FBXW7: variants seen among roughly 807,000 people sequenced by gnomAD.
FBXW7 encodes F-box and WD repeat domain containing 7.
In FBXW7, 11 loss-of-function variants were observed where a neutral mutation model predicts 86.3. The observed-to-expected ratio is 0.13, with a 90% confidence interval of 0.08 to 0.21. FBXW7 has a LOEUF of 0.21. FBXW7 is among the 10% of genes least tolerant of loss of function. The pLI is 1.00. For synonymous variants in FBXW7, 313 were observed against 297.9 expected, an observed-to-expected ratio of 1.05 and a Z score of -0.52; for missense variants, 488 against 847.4, an observed-to-expected ratio of 0.58 and a Z score of 5.27.
chr4:152,481,621 T>C (rs916741420), intron 2 of FBXW7, among the ~76,000 whole-genome samples: 16 of 152,192 alleles, frequency 1.1e-4, no homozygotes. Flanking sequence ...TTCAAAAACA[T>C]TCATTATTCA....
At chr4:152,455,896 CTCA>C (rs1171775245) in intron 2 of FBXW7, among the ~76,000 whole-genome samples, 2 of 152,074 alleles carry the variant, frequency 1.3e-5, no homozygotes, top group East Asian at 3.9e-4. Context: ...GGCTAATCTC[CTCA>C]TTTCAAAATC....
At chr4:152,468,131 A>C (rs1743622416) in intron 2 of FBXW7, among the ~76,000 whole-genome samples, 1 of 152,200 alleles carries the variant, frequency 6.6e-6, no homozygotes, top group Admixed American at 6.5e-5. Context: ...GCTGAAATAC[A>C]AAAGACTGAC....
intron 6 of FBXW7, among the ~76,000 whole-genome samples, chr4:152,341,066 G>C (rs551960870): frequency 1.3e-5 from 2 of 152,192 alleles, no homozygotes; most frequent in African/African-American, 4.8e-5. Flanking sequence ...GCGTCACCTA[G>C]ATTATTCCTG....
intron 4 of FBXW7, among the ~76,000 whole-genome samples, chr4:152,369,977 ATATAGT>A (rs1733865377): frequency 6.6e-6 from 1 of 151,996 alleles, no homozygotes; most frequent in African/African-American, 2.4e-5. Context: ...AAAAAGCAAG[ATATAGT>A]TATGTTATCT....
chr4:152,342,778 T>C (rs1478938249), intron 6 of FBXW7, among the ~76,000 whole-genome samples: 1 of 152,218 alleles, frequency 6.6e-6, no homozygotes, highest in Non-Finnish European at 1.5e-5. Context: ...ATAATTCAGG[T>C]TTTACTTTCT....
At chr4:152,449,395 T>C (rs1162332847) in intron 2 of FBXW7, among the ~76,000 whole-genome samples, 1 of 152,150 alleles carries the variant, frequency 6.6e-6, no homozygotes, top group Non-Finnish European at 1.5e-5. Flanking sequence ...GAATAAAATA[T>C]ACAAGCAAAA....
chr4:152,351,388 T>C (rs567959801), intron 4 of FBXW7, among the ~76,000 whole-genome samples: 1 of 152,258 alleles, frequency 6.6e-6, no homozygotes, highest in South Asian at 2.1e-4. Flanking sequence ...TATACCTTAG[T>C]TCATGCCATA....
chr4:152,481,329 T>C (rs547809374), intron 2 of FBXW7, among the ~76,000 whole-genome samples: 8 of 152,278 alleles, frequency 5.3e-5, no homozygotes, highest in South Asian at 4.1e-4. Flanking sequence ...AATAAAAGAT[T>C]CCGTTCAAAA....
At chr4:152,332,750 T>C (rs1407949367) in intron 7 of FBXW7, 31 bp from the exon 8 acceptor site, 2 of 1,113,094 alleles carry the variant, frequency 1.8e-6, no homozygotes, top group East Asian at 3.8e-5. Context: ...ATAATACCCA[T>C]ATTTAAATAA....
chr4:152,354,745 G>A lies in FBXW7; in HGVS notation c.502-4621C>T, dbSNP rs894265546. 2.6e-5 allele frequency among the ~76,000 whole-genome samples: 4 copies of A among 152,046 alleles called. No homozygotes were observed. In the East Asian group the frequency reaches 7.7e-4, roughly 29 times the overall value. ...TCCTACTTAGGGCTGTGAGTTACAG[G>A]AAAACCTGTTCCCTACAAATATTGT... On this transcript the variant is annotated intron_variant, in intron 4 of 13. Transcript: ENST00000281708.
rs1737993893 is a variant in FBXW7 at position 152,411,813 on chromosome 4, C to A, written c.-10G>T. On this transcript the variant is annotated 5_prime_UTR_variant, in exon 4 of 14. Coordinates refer to ENST00000281708, the MANE Select transcript of FBXW7 (RefSeq NM_001349798.2). ...GCAGTTCCTGATTCATTTCCAAAAG[C>A]CAGCTTGCTACTTCTTGGACCTTGG... The A allele has an allele frequency of 1.3e-6, 2 of 1,594,918 alleles. No homozygotes were observed. Among genetic ancestry groups the A allele is most frequent in the South Asian group, 1.1e-5 (1 of 89,512 alleles).
At chr4:152,500,421 A>T (rs1442500157) in intron 2 of FBXW7, among the ~76,000 whole-genome samples, 2 of 137,546 alleles carry the variant, frequency 1.5e-5, no homozygotes, top group Non-Finnish European at 3.0e-5. Context: ...ATGCAAAAGC[A>T]TGTTTCTTTC....
chr4:152,441,919 G>C (rs986993551), intron 2 of FBXW7, among the ~76,000 whole-genome samples: 1 of 151,992 alleles, frequency 6.6e-6, no homozygotes, highest in Non-Finnish European at 1.5e-5. Context: ...ATCTTTAAAA[G>C]GTTAACACGA....
At chr4:152,531,675 C>T (rs1192673025) in intron 2 of FBXW7, among the ~76,000 whole-genome samples, 1 of 151,976 alleles carries the variant, frequency 6.6e-6, no homozygotes, top group African/African-American at 2.4e-5. Flanking sequence ...ACAAGGGAAG[C>T]AGCCTTCTCT....
At chr4:152,329,509 G>A (rs532016560) in intron 10 of FBXW7, among the ~76,000 whole-genome samples, 163 bp downstream of exon 10, 1 of 152,024 alleles carries the variant, frequency 6.6e-6, no homozygotes, top group South Asian at 2.1e-4. Flanking sequence ...CATGCCATTG[G>A]CTTTCATAAA....
intron 4 of FBXW7, among the ~76,000 whole-genome samples, chr4:152,386,330 T>C (rs906762984): frequency 6.6e-6 from 1 of 152,042 alleles, no homozygotes; most frequent in Non-Finnish European, 1.5e-5. Flanking sequence ...ATTTAATTCG[T>C]GTCTCAAGTT....
At position 152,411,340 on chromosome 4, in the gene FBXW7, T is replaced by C. The variant is rs200825042; in HGVS notation, c.464A>G (p.His155Arg). ...TGTATAGAATGGGGAGGAGAGTTGG[T>C]GAACGGGCAGGTCCACAATACTACT... ...NSSSIVDLPV[H>R]QLSSPFYTKT... Residue 155 changes from histidine (H) to arginine (R), a missense_variant, in exon 4 of 14, where the codon CAC becomes CGC. Around this residue, in one of 4 missense-constraint regions of FBXW7, gnomAD observed 230 missense variants for 240.0 expected, o/e 0.96. Transcript: ENST00000281708. 50 of 1,612,068 alleles carry C rather than the reference T, an allele frequency of 3.1e-5. No homozygotes were observed. The highest frequency in any genetic ancestry group is 2.3e-5 in the Non-Finnish European group (27 of 1,179,092).
chr4:152,399,293 A>G (rs1465094577), intron 4 of FBXW7, among the ~76,000 whole-genome samples: 1 of 152,154 alleles, frequency 6.6e-6, no homozygotes, highest in African/African-American at 2.4e-5. Flanking sequence ...ACTCTTAGCA[A>G]ACTAGGAATA....
chr4:152,389,152 T>G (rs1326389680), intron 4 of FBXW7, among the ~76,000 whole-genome samples: 1 of 152,066 alleles, frequency 6.6e-6, no homozygotes, highest in African/African-American at 2.4e-5. Flanking sequence ...GGCGAGGATG[T>G]GGAGAAAAAG....
Sources: allele counts gnomAD v4.1 joint callset (sites outside exome capture counted in the v4.1 genomes callset), GRCh38; gene constraint gnomAD v4.1.1; regional missense constraint gnomAD v4.1.1; transcripts MANE v1.5; gene names NCBI Gene and HGNC (gene_info 2026-07-23, HGNC 2026-07-21).